The following ASH1L variants were observed in gnomAD, a reference collection of about 807,000 sequenced individuals.
ASH1L encodes the protein ASH1 like histone lysine methyltransferase.
A neutral mutation model predicts 269.0 loss-of-function variants in ASH1L; 23 were observed. The observed-to-expected ratio is 0.09, with a 90% confidence interval of 0.06 to 0.12. The LOEUF is 0.12. Among genes scored for constraint, ASH1L ranks in the 10% least tolerant of loss-of-function variants. The pLI is 1.00. For missense variants in ASH1L, 2,912 were observed against 3,567.8 expected (o/e 0.82, Z 4.68); for synonymous variants, 1,187 against 1,253.5 (o/e 0.95, Z 1.12).
At chr1:155,446,300 A>ATT (rs35106620) in intron 4 of ASH1L, among the ~76,000 whole-genome samples, 47 of 139,944 alleles carry the variant, frequency 3.4e-4, no homozygotes, top group Non-Finnish European at 5.0e-4. Context: ...AATTAATTAA[A>ATT]TTTTTTTTTT....
chr1:155,337,846 C>A (rs1288699007), intron 27 of ASH1L, 95 bp from the exon 28 acceptor site: 1 of 1,251,418 alleles, frequency 8.0e-7, no homozygotes, highest in East Asian at 2.3e-5. Flanking sequence ...CTCAATGATT[C>A]CTTTTCTGAC....
rs1381384216 is a variant in ASH1L, at chr1:155,520,720, G to A, written c.420+380C>T. On this transcript the variant is annotated intron_variant, in intron 2 of 27. Transcript: ENST00000392403. Reference sequence around the variant, plus strand: ...TCTACTAAAAACACAAAATTAGCTCGGTGTGGTGGTGGGTGCCTGTAATCC... The same window carrying A: ...TCTACTAAAAACACAAAATTAGCTCAGTGTGGTGGTGGGTGCCTGTAATCC... Among the ~76,000 whole-genome samples the A allele has an allele frequency of 3.9e-5, 6 of 151,942 alleles. 1 individual carries two copies. The highest frequency in any genetic ancestry group is 4.1e-4 in the South Asian group (2 of 4,826).
At chr1:155,387,137 C>A (rs777051687) in intron 7 of ASH1L, among the ~76,000 whole-genome samples, 1 of 152,128 alleles carries the variant, frequency 6.6e-6, no homozygotes, top group African/African-American at 2.4e-5. Context: ...CCACACCCAG[C>A]TAATTTTTGC....
In ASH1L at chr1:155,463,664, C is replaced by CAT. The variant is rs1342854685; in HGVS notation, c.4985-3768_4985-3767dup. Among the ~76,000 whole-genome samples, 4 of 152,018 alleles carry CAT rather than the reference C, an allele frequency of 2.6e-5. No homozygotes were observed. In the East Asian group the frequency reaches 7.7e-4, roughly 29 times the overall value. ...TAAAAATTAGCTGGGCATAGTGGTG[C>CAT]ATACCCTGTAGTCCCAGTTACTTGG... On this transcript the variant is annotated intron_variant, in intron 3 of 27. Coordinates refer to ENST00000392403, the MANE Select transcript of ASH1L (RefSeq NM_018489.3).
At chr1:155,421,328 T>G (rs970664259) in intron 5 of ASH1L, among the ~76,000 whole-genome samples, 2 of 147,726 alleles carry the variant, frequency 1.4e-5, no homozygotes, top group Admixed American at 6.8e-5. Context: ...TTTTTTTTTT[T>G]TTTTTTTTTT....
chr1:155,351,979 G>A (rs1653971191), intron 17 of ASH1L, among the ~76,000 whole-genome samples: 1 of 151,930 alleles, frequency 6.6e-6, no homozygotes, highest in Non-Finnish European at 1.5e-5. Context: ...TTCTGTAATT[G>A]ATTTTTCCTG....
chr1:155,371,156 G>C (rs146104809), intron 10 of ASH1L, among the ~76,000 whole-genome samples, 173 bp from the exon 11 acceptor site: 436 of 152,212 alleles, frequency 2.9e-3, no homozygotes, highest in African/African-American at 0.01. Context: ...ATAATATTCA[G>C]AATTTCCAAG....
chr1:155,451,673 G>A (rs980840803), intron 4 of ASH1L, among the ~76,000 whole-genome samples: 1 of 151,712 alleles, frequency 6.6e-6, no homozygotes, highest in Non-Finnish European at 1.5e-5. Flanking sequence ...CAGGAGAATC[G>A]CTTGTACTTG....
chr1:155,366,450 CTTTCT>C (rs1186939669), intron 12 of ASH1L, among the ~76,000 whole-genome samples: 6 of 152,072 alleles, frequency 3.9e-5, no homozygotes, highest in African/African-American at 9.7e-5. Context: ...ATGGAATAGC[CTTTCT>C]TTTCTTTTAT....
At chr1:155,538,892 A>G (rs896798658) in intron 1 of ASH1L, among the ~76,000 whole-genome samples, 3 of 152,150 alleles carry the variant, frequency 2.0e-5, no homozygotes, top group Non-Finnish European at 4.4e-5. Context: ...ACCTGGTTCA[A>G]TATCTTTACA....
At position 155,482,323 on chromosome 1, in the gene ASH1L, A is replaced by G; in HGVS notation, c.547T>C (p.Ser183Pro). 4 of 1,614,104 alleles carry G rather than the reference A, an allele frequency of 2.5e-6. No homozygotes were observed. The highest frequency in any genetic ancestry group is 3.4e-6 in the Non-Finnish European group (4 of 1,180,004). Reference protein sequence around the residue: ...PLSKKLSPVHSEMADYINATP... With the variant: ...PLSKKLSPVHPEMADYINATP... ...GCATTAATATAATCTGCCATTTCTG[A>G]GTGTACTGGAGACAGCTTCTTAGAC... The change falls in exon 3 of 28, where the codon TCA (serine) becomes CCA (proline). Residue 183 changes from serine (S) to proline (P), a missense_variant. By Grantham distance (74) the Ser-to-Pro change is moderately conservative. This residue lies in a region of ASH1L where 277 missense variants were observed against 367.7 expected (regional missense o/e 0.75). Coordinates refer to ENST00000392403, the MANE Select transcript of ASH1L (RefSeq NM_018489.3).
At chr1:155,525,141 G>A (rs964075981) in intron 1 of ASH1L, among the ~76,000 whole-genome samples, 6 of 151,978 alleles carry the variant, frequency 3.9e-5, no homozygotes, top group Admixed American at 2.6e-4. Context: ...CAGCTACTCG[G>A]GAGGATGAGG....
At chr1:155,461,912 C>T (rs1664331082) in intron 3 of ASH1L, among the ~76,000 whole-genome samples, 1 of 150,724 alleles carries the variant, frequency 6.6e-6, no homozygotes. Flanking sequence ...GTTTCTCTTG[C>T]CTCAGCCTCC....
intron 5 of ASH1L, among the ~76,000 whole-genome samples, chr1:155,421,287 A>T: frequency 1.4e-5 from 2 of 142,944 alleles, no homozygotes; most frequent in Admixed American, 7.1e-5. Context: ...AAACTGATCT[A>T]TAGATCTAAC....
At chr1:155,433,211 T>C in intron 5 of ASH1L, 1 of 1,548,726 alleles carries the variant, frequency 6.5e-7, no homozygotes, top group Non-Finnish European at 8.7e-7. Flanking sequence ...GATGCCTGCC[T>C]TCTTGCCCCC....
chr1:155,407,040 T>C (rs1404968063), intron 6 of ASH1L, among the ~76,000 whole-genome samples: 1 of 152,074 alleles, frequency 6.6e-6, no homozygotes, highest in Non-Finnish European at 1.5e-5. Context: ...CTGGCCAACA[T>C]GGTGAAACCC....
chr1:155,533,797 G>T (rs781529734), intron 1 of ASH1L, among the ~76,000 whole-genome samples: 1 of 151,376 alleles, frequency 6.6e-6, no homozygotes. Context: ...TATTTGCTAC[G>T]TTTGAAACTC....
Position 155,513,469 on chromosome 1 carries a change from G to T in ASH1L, c.420+7631C>A, listed in dbSNP as rs117276385. The stretch of plus-strand genomic sequence containing the variant: ...TGCCTGTAGCCGGTCTACTCAAGAG[G>T]CTGAGATGGCAGAATCATCTGAGCC... On this transcript the variant is annotated intron_variant, in intron 2 of 27. Coordinates refer to ENST00000392403, the MANE Select transcript of ASH1L (RefSeq NM_018489.3). 3.3e-5 allele frequency among the ~76,000 whole-genome samples: 5 copies of T among 151,688 alleles called. No individual in the cohort carries two copies. In the East Asian group the frequency reaches 9.7e-4, roughly 29 times the overall value.
intron 6 of ASH1L, among the ~76,000 whole-genome samples, chr1:155,411,586 A>ATATTATATATATATAT (rs1558075618): frequency 3.6e-5 from 2 of 55,192 alleles, no homozygotes; most frequent in East Asian, 2.7e-3. Flanking sequence ...TAAATAAATA[A>ATATTATATATATATAT]ATATATATAT....
Sources: gnomAD v4.1 joint callset for allele counts (sites outside exome capture counted in the v4.1 genomes callset) on GRCh38, gnomAD v4.1.1 for gene constraint, gnomAD v4.1.1 regional missense constraint, MANE v1.5 for transcripts, NCBI Gene and HGNC (gene_info 2026-07-23, HGNC 2026-07-21) for gene names.